The following EXOC4 variants were observed in gnomAD, a reference collection of about 807,000 sequenced individuals.
EXOC4 encodes SEC8-like 1.
A neutral mutation model predicts 107.2 loss-of-function variants in EXOC4; 71 were observed. The ratio of observed to expected loss-of-function variants is 0.66; its 90% CI spans 0.55 to 0.81. The LOEUF is 0.81. Ranked by LOEUF, EXOC4 falls within the 30% of genes least tolerant of loss-of-function variation. EXOC4 has a pLI of 0.00. For missense variants in EXOC4, 1,108 were observed against 1,189.6 expected (o/e 0.93, Z 1.01); for synonymous variants, 456 against 441.2 (o/e 1.03, Z -0.42).
chr7:133,257,238 CGGG>C (rs55651062), intron 1 of EXOC4, among the ~76,000 whole-genome samples: 4 of 67,412 alleles, frequency 5.9e-5, no homozygotes, highest in Non-Finnish European at 8.0e-5. Context: ...TGGAACTAAC[CGGG>C]GGGGACAGAA....
chr7:133,396,826 C>A (rs944796672), intron 7 of EXOC4, among the ~76,000 whole-genome samples: 2 of 152,176 alleles, frequency 1.3e-5, no homozygotes, highest in Admixed American at 6.5e-5. Flanking sequence ...GTCATTATCC[C>A]CTTTCAATGG....
intron 10 of EXOC4, among the ~76,000 whole-genome samples, chr7:133,709,645 C>CTTTTTTTTTT (rs147956984): frequency 8.5e-6 from 1 of 118,142 alleles, no homozygotes; most frequent in African/African-American, 3.2e-5. Context: ...AATCTGTTTT[C>CTTTTTTTTTT]TTTTTTTTTT....
At chr7:134,080,615 G>A in the EXOC4 span, among the ~76,000 whole-genome samples, 18 of 151,936 alleles carry the variant, frequency 1.2e-4, no homozygotes, top group Non-Finnish European at 1.9e-4. Context: ...GTAGTAATAC[G>A]GATGGAGGGA....
chr7:134,095,680 G>A, the EXOC4 span, among the ~76,000 whole-genome samples: 355 of 152,104 alleles, frequency 2.3e-3, no homozygotes, highest in Non-Finnish European at 3.6e-3. Context: ...ACCTATGGCC[G>A]TCTAATCTTC....
chr7:133,836,148 G>C (rs538522585), intron 11 of EXOC4, among the ~76,000 whole-genome samples: 59 of 152,068 alleles, frequency 3.9e-4, no homozygotes, highest in Non-Finnish European at 3.2e-4. Flanking sequence ...CATACACATG[G>C]GATAATTATT....
intron 14 of EXOC4, among the ~76,000 whole-genome samples, chr7:133,969,450 G>A (rs1224844103): frequency 6.6e-6 from 1 of 152,206 alleles, no homozygotes; most frequent in Non-Finnish European, 1.5e-5. Flanking sequence ...TAGCCTTTGT[G>A]TGCTGGTTTT....
intron 9 of EXOC4, among the ~76,000 whole-genome samples, chr7:133,629,519 T>TTTTTGTTTTG (rs61233634): frequency 2.0e-4 from 23 of 114,806 alleles, no homozygotes; most frequent in Non-Finnish European, 9.3e-5. Flanking sequence ...AAAGTGCTGT[T>TTTTTGTTTTG]TTTTGTTTTG....
intron 7 of EXOC4, among the ~76,000 whole-genome samples, chr7:133,377,663 C>T (rs1183908709): frequency 6.6e-6 from 1 of 151,986 alleles, no homozygotes; most frequent in African/African-American, 2.4e-5. Context: ...AACATAAACC[C>T]ACAGATGCAA....
chr7:133,913,549 G>A (rs1342307541), intron 12 of EXOC4, among the ~76,000 whole-genome samples: 2 of 152,206 alleles, frequency 1.3e-5, no homozygotes, highest in Non-Finnish European at 2.9e-5. Context: ...TTGGCAGGAT[G>A]TGGTGACTGG....
At chr7:133,277,908 T>G (rs1163750652) in intron 2 of EXOC4, among the ~76,000 whole-genome samples, 1 of 152,248 alleles carries the variant, frequency 6.6e-6, no homozygotes, top group Non-Finnish European at 1.5e-5. Flanking sequence ...GGATTATATA[T>G]GAAATATAGG....
intron 7 of EXOC4, among the ~76,000 whole-genome samples, chr7:133,393,451 T>C (rs1584880671): frequency 1.3e-5 from 2 of 152,218 alleles, no homozygotes; most frequent in Admixed American, 1.3e-4. Flanking sequence ...TAGTAGATAC[T>C]CTATACATAT....
At chr7:133,868,779 T>A (rs1380363448) in intron 11 of EXOC4, among the ~76,000 whole-genome samples, 3 of 152,142 alleles carry the variant, frequency 2.0e-5, no homozygotes, top group Non-Finnish European at 4.4e-5. Context: ...GTTTTCTCCC[T>A]TCTGTTCTCC....
intron 7 of EXOC4, among the ~76,000 whole-genome samples, chr7:133,473,750 G>A (rs535134975): frequency 1.1e-4 from 17 of 151,832 alleles, no homozygotes; most frequent in African/African-American, 3.6e-4. Flanking sequence ...GCCCAGGCTG[G>A]AGTGCAGAGG....
intron 10 of EXOC4, chr7:133,727,879 C>T (rs1795248545): frequency 6.6e-6 from 1 of 152,228 alleles, no homozygotes; most frequent in African/African-American, 2.4e-5. Flanking sequence ...CTTGTGAACA[C>T]ATGCTTATTC....
At chr7:133,934,494 G>C (rs1353417001) in intron 13 of EXOC4, among the ~76,000 whole-genome samples, 1 of 152,144 alleles carries the variant, frequency 6.6e-6, no homozygotes, top group Non-Finnish European at 1.5e-5. Context: ...ATCCCAGTGA[G>C]CCAGAGGGAA....
chr7:133,661,528 G>A (rs879085084), intron 10 of EXOC4, among the ~76,000 whole-genome samples: 5 of 152,008 alleles, frequency 3.3e-5, no homozygotes, highest in Admixed American at 2.0e-4. Flanking sequence ...ACTGCTTATC[G>A]TTAGGGGCTG....
chr7:133,619,103 G>A (rs528908569), intron 9 of EXOC4, among the ~76,000 whole-genome samples: 1 of 152,096 alleles, frequency 6.6e-6, no homozygotes, highest in Middle Eastern at 3.2e-3. Context: ...AGCCACCTGT[G>A]CCTCAGTAAT....
At chr7:133,761,990 A>C (rs982906168) in intron 10 of EXOC4, among the ~76,000 whole-genome samples, 3 of 152,188 alleles carry the variant, frequency 2.0e-5, no homozygotes, top group African/African-American at 7.2e-5. Flanking sequence ...TCTCTGCCTC[A>C]AGCTCAGCTC....
chr7:133,938,153 G>T lies in EXOC4; in HGVS notation c.2206+84G>T, dbSNP rs372469151. Reference sequence around the variant, plus strand: ...CATTGAAAGATGAGAGTGTACACTGGTCACCGTATGGGGGCGTGTCCCAAG... The same window carrying T: ...CATTGAAAGATGAGAGTGTACACTGTTCACCGTATGGGGGCGTGTCCCAAG... On this transcript the variant is annotated intron_variant, in intron 14 of 17. Coordinates refer to ENST00000253861, the MANE Select transcript of EXOC4 (RefSeq NM_021807.4). 481 of 1,372,074 alleles carry T rather than the reference G, an allele frequency of 3.5e-4. No individual in the cohort carries two copies. The African/African-American group carries it at 6.0e-3, about 17-fold the overall frequency. The allele number at this position is 1,372,074 out of a possible 1,614,324, so 85.0% of individuals were successfully genotyped here.
Sources: allele counts gnomAD v4.1 joint callset (sites outside exome capture counted in the v4.1 genomes callset), GRCh38; gene constraint gnomAD v4.1.1; transcripts MANE v1.5; gene names NCBI Gene and HGNC (gene_info 2026-07-23, HGNC 2026-07-21).